The following RAB3IP variants were observed in gnomAD, a reference collection of about 807,000 sequenced individuals.
The protein encoded by RAB3IP is rab-3A-interacting protein.
A neutral mutation model predicts 59.1 loss-of-function variants in RAB3IP; 36 were observed. The observed-to-expected ratio is 0.61, with a 90% CI of 0.47 to 0.80. The LOEUF (loss-of-function observed/expected upper bound fraction) is 0.80, where lower values mean the gene tolerates loss of function less well. Ranked by LOEUF, RAB3IP falls within the 30% of genes least tolerant of loss-of-function variation. RAB3IP has a pLI of 0.00. For missense variants in RAB3IP, 511 were observed against 536.0 expected, an observed-to-expected ratio of 0.95 and a Z score of 0.46; for synonymous variants, 207 against 191.2, an observed-to-expected ratio of 1.08 and a Z score of -0.68.
intron 6 of RAB3IP, among the ~76,000 whole-genome samples, chr12:69,799,140 A>T (rs11177859): frequency 0.11 from 16,292 of 152,234 alleles, 1,197 homozygotes; most frequent in Middle Eastern, 0.17. Context: ...TCACATGGAG[A>T]TTGCCCTTAT....
intron 3 of RAB3IP, among the ~76,000 whole-genome samples, chr12:69,758,847 T>G (rs1158972727): frequency 6.7e-6 from 1 of 148,664 alleles, no homozygotes; most frequent in Non-Finnish European, 1.5e-5. Flanking sequence ...TGATGGTTGT[T>G]TTTTTTTTTC....
intron 3 of RAB3IP, among the ~76,000 whole-genome samples, chr12:69,767,649 G>T (rs2136163954): frequency 6.6e-6 from 1 of 152,332 alleles, no homozygotes; most frequent in Non-Finnish European, 1.5e-5. Context: ...CAGGTGCCTG[G>T]AGGTCTGCCT....
At chr12:69,771,389 T>C (rs1243573405) in intron 3 of RAB3IP, among the ~76,000 whole-genome samples, 3 of 148,702 alleles carry the variant, frequency 2.0e-5, no homozygotes, top group Admixed American at 6.6e-5. Flanking sequence ...TAATCAGACA[T>C]GGTGGTGCAT....
Position 69,755,559 on chromosome 12 carries a change from G to C in RAB3IP, c.151G>C (p.Val51Leu), listed in dbSNP as rs768280818. The change falls in exon 2 of 11, where the codon GTA becomes CTA. Residue 51 changes from valine to leucine, a missense_variant. Val to Leu is a conservative substitution (Grantham distance 32, BLOSUM62 1). Transcript: ENST00000247833. ...YRPHPSALSSVPIQANALDVS... is the reference protein window; with the variant it reads ...YRPHPSALSSLPIQANALDVS... The stretch of plus-strand genomic sequence containing the variant: ...GCCACACCCTTCAGCTTTATCCTCT[G>C]TACCTATCCAGGCAAATGCATTAGA... The C allele has an allele frequency of 9.3e-6, 15 of 1,613,726 alleles. No individual in the cohort carries two copies. The highest frequency in any genetic ancestry group is 1.3e-5 in the African/African-American group (1 of 74,790).
At chr12:69,762,963 A>G (rs987620783) in intron 3 of RAB3IP, among the ~76,000 whole-genome samples, 5 of 152,118 alleles carry the variant, frequency 3.3e-5, no homozygotes, top group African/African-American at 1.2e-4. Flanking sequence ...TTTATGAGAT[A>G]AAACTATAAA....
At chr12:69,763,812 A>T (rs543239459) in intron 3 of RAB3IP, among the ~76,000 whole-genome samples, 1 of 152,210 alleles carries the variant, frequency 6.6e-6, no homozygotes, top group African/African-American at 2.4e-5. Flanking sequence ...CTTTAGGTCC[A>T]TGAGTACAAT....
chr12:69,802,907 T>A (rs545016373), intron 8 of RAB3IP, among the ~76,000 whole-genome samples: 6 of 152,314 alleles, frequency 3.9e-5, no homozygotes, highest in African/African-American at 9.6e-5. Flanking sequence ...TGTAGCACGG[T>A]GGCCTCTGAA....
intron 8 of RAB3IP, among the ~76,000 whole-genome samples, chr12:69,808,501 G>C (rs1252968100): frequency 6.6e-6 from 1 of 152,074 alleles, no homozygotes; most frequent in Admixed American, 6.6e-5. Flanking sequence ...TTGACAGTGG[G>C]GTGTTAAAGT....
intron 3 of RAB3IP, among the ~76,000 whole-genome samples, chr12:69,770,064 C>CT (rs11370768): frequency 0.34 from 52,317 of 151,988 alleles, 9,231 homozygotes; most frequent in Non-Finnish European, 0.37. Flanking sequence ...TGATAAAAGT[C>CT]TATGTCTTCA....
chr12:69,788,684 C>T (rs1876117967), intron 4 of RAB3IP, among the ~76,000 whole-genome samples: 1 of 152,056 alleles, frequency 6.6e-6, no homozygotes, highest in South Asian at 2.1e-4. Flanking sequence ...AGCAGAACTG[C>T]ATAACGCTAT....
intron 7 of RAB3IP, 37 bp from the exon 8 acceptor site, chr12:69,801,572 C>A: frequency 3.0e-6 from 3 of 1,007,978 alleles, no homozygotes; most frequent in Non-Finnish European, 4.3e-6. Context: ...TATTTTTCTG[C>A]CAGTATAGCA....
At chr12:69,808,445 T>G (rs1309555852) in intron 8 of RAB3IP, among the ~76,000 whole-genome samples, 1 of 152,208 alleles carries the variant, frequency 6.6e-6, no homozygotes, top group African/African-American at 2.4e-5. Flanking sequence ...CTGGATATCT[T>G]TGTTAACTTT....
At chr12:69,784,277 G>A (rs954283186) in intron 3 of RAB3IP, among the ~76,000 whole-genome samples, 3 of 151,844 alleles carry the variant, frequency 2.0e-5, no homozygotes, top group Non-Finnish European at 4.4e-5. Context: ...TTGCAGTATG[G>A]TACATGAAGT....
Position 69,756,669 on chromosome 12 carries a change from A to G in RAB3IP, c.510+6A>G. 2 of 1,606,342 alleles carry G rather than the reference A, an allele frequency of 1.2e-6. No homozygotes were observed. The highest frequency in any genetic ancestry group is 1.1e-5 in the South Asian group (1 of 89,810). On this transcript the variant is annotated splice_donor_region_variant and intron_variant, in intron 3 of 10. Coordinates refer to ENST00000247833, the MANE Select transcript of RAB3IP (RefSeq NM_022456.5). ...AACTCGCAAAAGCTCAGAGGGTAAG[A>G]AAGAAGATATTTTATTCTTCCATAT... is the stretch of plus-strand genomic sequence containing the variant.
At chr12:69,780,114 A>G (rs559859302) in intron 3 of RAB3IP, among the ~76,000 whole-genome samples, 1 of 152,252 alleles carries the variant, frequency 6.6e-6, no homozygotes, top group South Asian at 2.1e-4. Flanking sequence ...GATATACCTA[A>G]TGATGACTCA....
chr12:69,802,829 T>C (rs148115957), intron 8 of RAB3IP, among the ~76,000 whole-genome samples: 164 of 152,354 alleles, frequency 1.1e-3, no homozygotes, highest in African/African-American at 3.8e-3. Flanking sequence ...TGACCATTTG[T>C]TGGAGGGTTC....
At chr12:69,760,751 T>TTA (rs1871184498) in intron 3 of RAB3IP, among the ~76,000 whole-genome samples, 1 of 152,208 alleles carries the variant, frequency 6.6e-6, no homozygotes, top group Admixed American at 6.5e-5. Flanking sequence ...TGTACATTGT[T>TTA]TCTCACAAGA....
rs1881119463 is a variant in RAB3IP at position 69,816,178 on chromosome 12, G to C, written c.*732G>C. ...TAAATGAGTTTGACGTGTGTCAAAG[G>C]GGTTTAAAGGGGTGTGGATTGAATG... On this transcript the variant is annotated 3_prime_UTR_variant, in exon 11 of 11. Coordinates refer to ENST00000247833, the MANE Select transcript of RAB3IP (RefSeq NM_022456.5). The C allele has an allele frequency of 6.6e-6, 1 of 152,190 alleles. No individual in the cohort carries two copies. Among genetic ancestry groups the C allele is most frequent in the Non-Finnish European group, 1.5e-5 (1 of 68,036 alleles). The allele number at this position is 152,190 out of a possible 1,614,324, so 9.4% of individuals were successfully genotyped here. A position where few individuals can be genotyped will look rare whatever the true frequency, so the allele number is the denominator to read the frequency against.
chr12:69,745,508 A>G (rs1468649665), intron 1 of RAB3IP, among the ~76,000 whole-genome samples: 3 of 152,156 alleles, frequency 2.0e-5, no homozygotes, highest in Non-Finnish European at 4.4e-5. Flanking sequence ...GGAGGAAATG[A>G]TAACAAAAAT....
Sources: gnomAD v4.1 joint callset for allele counts (sites outside exome capture counted in the v4.1 genomes callset) on GRCh38, gnomAD v4.1.1 for gene constraint, MANE v1.5 for transcripts, NCBI Gene and HGNC (gene_info 2026-07-23, HGNC 2026-07-21) for gene names.